The following KIAA1217 variants were observed in gnomAD, a reference collection of about 807,000 sequenced individuals.
KIAA1217 encodes the protein KIAA1217.
In KIAA1217, 88 loss-of-function variants were observed where a neutral mutation model predicts 163.9. The ratio of observed to expected loss-of-function variants is 0.54; its 90% CI spans 0.45 to 0.64. KIAA1217 has a LOEUF of 0.64. Ranked by LOEUF, KIAA1217 falls within the 30% of genes least tolerant of loss-of-function variation. The probability of loss-of-function intolerance (pLI) is 0.00; values close to 1 mark genes in which losing one functional copy is unlikely to be tolerated. For synonymous variants in KIAA1217, 903 were observed against 923.1 expected (o/e 0.98, Z 0.39); for missense variants, 2,372 against 2,475.0 (o/e 0.96, Z 0.88).
chr10:24,107,747 T>C (rs1026911121), intron 2 of KIAA1217, among the ~76,000 whole-genome samples: 1 of 152,162 alleles, frequency 6.6e-6, no homozygotes. Context: ...CTAAATCCAA[T>C]CTTCTAACAA....
At chr10:24,040,935 A>C (rs1848604043) in intron 2 of KIAA1217, among the ~76,000 whole-genome samples, 1 of 152,214 alleles carries the variant, frequency 6.6e-6, no homozygotes, top group Non-Finnish European at 1.5e-5. Flanking sequence ...TACTATACCG[A>C]CTTTAATAAC....
chr10:23,699,617 CT>C (rs1836288933), intron 1 of KIAA1217, among the ~76,000 whole-genome samples: 1 of 152,042 alleles, frequency 6.6e-6, no homozygotes, highest in Non-Finnish European at 1.5e-5. Flanking sequence ...CAATACTTCC[CT>C]TTCTTTTTCT....
Position 23,764,418 on chromosome 10 carries a change from C to T in KIAA1217, c.-321+69184C>T, listed in dbSNP as rs139675754. Among the ~76,000 whole-genome samples, 180 of 152,094 alleles carry T rather than the reference C, an allele frequency of 1.2e-3. 13 individuals carry two copies. In the East Asian group the frequency reaches 0.028, roughly 24 times the overall value. On this transcript the variant is annotated intron_variant, in intron 1 of 18. Coordinates refer to the KIAA1217 transcript ENST00000376462. ...TGGCAATTCCTCAAGGATTTAGAACCATTTGACCCAGCAATCCCATTACTG... is the reference window on the plus strand; with the variant it reads ...TGGCAATTCCTCAAGGATTTAGAACTATTTGACCCAGCAATCCCATTACTG...
At chr10:23,751,724 A>G (rs536699871) in intron 1 of KIAA1217, among the ~76,000 whole-genome samples, 35 of 152,322 alleles carry the variant, frequency 2.3e-4, no homozygotes, top group Admixed American at 6.5e-4. Flanking sequence ...AAATGTGAAT[A>G]AAAAGTTTTT....
intron 1 of KIAA1217, among the ~76,000 whole-genome samples, chr10:23,889,309 T>C (rs2131210480): frequency 6.6e-6 from 1 of 151,946 alleles, no homozygotes; most frequent in Middle Eastern, 3.4e-3. Flanking sequence ...TCATCCGTGG[T>C]TGGGATTGTC....
chr10:23,709,769 G>A (rs1588640103), intron 1 of KIAA1217, among the ~76,000 whole-genome samples: 1 of 151,944 alleles, frequency 6.6e-6, no homozygotes, highest in Non-Finnish European at 1.5e-5. Context: ...CATTTTTTCT[G>A]TTTAACTCGG....
chr10:24,386,139 A>G (rs1328205063), intron 3 of KIAA1217, among the ~76,000 whole-genome samples: 1 of 152,228 alleles, frequency 6.6e-6, no homozygotes, highest in Non-Finnish European at 1.5e-5. Flanking sequence ...GCTTTAGAAA[A>G]GAGACCTCAC....
chr10:23,757,458 G>A (rs1205055442), intron 1 of KIAA1217, among the ~76,000 whole-genome samples: 1 of 152,084 alleles, frequency 6.6e-6, no homozygotes, highest in Non-Finnish European at 1.5e-5. Context: ...GTGTCTCATT[G>A]TGGTTTTGAC....
intron 6 of KIAA1217, among the ~76,000 whole-genome samples, chr10:24,476,859 A>T (rs918278296): frequency 6.6e-6 from 1 of 151,372 alleles, no homozygotes; most frequent in African/African-American, 2.4e-5. Context: ...ACACAAAGAC[A>T]CAGACACACA....
At chr10:23,903,498 A>G (rs2131250643) in intron 1 of KIAA1217, among the ~76,000 whole-genome samples, 1 of 152,256 alleles carries the variant, frequency 6.6e-6, no homozygotes, top group Admixed American at 6.5e-5. Context: ...GATTTGATGA[A>G]GAGTGGACAG....
At chr10:24,148,338 T>TA (rs1244053459) in intron 2 of KIAA1217, among the ~76,000 whole-genome samples, 3 of 151,254 alleles carry the variant, frequency 2.0e-5, no homozygotes, top group South Asian at 2.1e-4. Context: ...TTTGTAAAGC[T>TA]AAAAAAAAAC....
intron 2 of KIAA1217, among the ~76,000 whole-genome samples, chr10:24,127,123 A>G (rs549049746): frequency 1.2e-4 from 18 of 152,308 alleles, no homozygotes; most frequent in African/African-American, 3.8e-4. Context: ...TTGACCTAAA[A>G]CAAATCATAT....
chr10:24,401,985 A>G (rs1218283676), intron 3 of KIAA1217, among the ~76,000 whole-genome samples: 2 of 152,238 alleles, frequency 1.3e-5, no homozygotes, highest in Non-Finnish European at 2.9e-5. Flanking sequence ...TTAGGTATAC[A>G]TAAAACAAAA....
intron 2 of KIAA1217, among the ~76,000 whole-genome samples, chr10:24,291,757 C>T (rs371960610): frequency 5.5e-4 from 84 of 151,684 alleles, no homozygotes; most frequent in African/African-American, 1.7e-3. Flanking sequence ...TTTACTACTC[C>T]GATGTGGAGA....
At chr10:23,816,068 A>G (rs1445239122) in intron 1 of KIAA1217, among the ~76,000 whole-genome samples, 3 of 152,142 alleles carry the variant, frequency 2.0e-5, no homozygotes, top group Non-Finnish European at 4.4e-5. Context: ...GCCATATTTA[A>G]AGTTAAGCTA....
chr10:23,851,425 GAGTTGGTTCCA>G (rs1350464529), intron 1 of KIAA1217, among the ~76,000 whole-genome samples: 1 of 152,152 alleles, frequency 6.6e-6, no homozygotes, highest in Admixed American at 6.5e-5. Context: ...TTGGACATTT[GAGTTGGTTCCA>G]AGTCTTTGCT....
intron 2 of KIAA1217, among the ~76,000 whole-genome samples, chr10:24,172,667 T>C (rs2065686381): frequency 6.6e-6 from 1 of 152,198 alleles, no homozygotes. Flanking sequence ...CCATCACTAG[T>C]ACCAACATTG....
intron 1 of KIAA1217, among the ~76,000 whole-genome samples, chr10:23,895,028 C>T (rs1589030674): frequency 6.6e-6 from 1 of 152,164 alleles, no homozygotes; most frequent in South Asian, 2.1e-4. Flanking sequence ...GACCTAAAAC[C>T]ATAAAAACCC....
intron 2 of KIAA1217, chr10:24,158,913 C>T (rs1193058871): frequency 3.1e-5 from 6 of 193,684 alleles, no homozygotes; most frequent in Non-Finnish European, 6.6e-5. Context: ...TAGGAAGAAG[C>T]CTTTTTCATT....
Sources: gnomAD v4.1 joint callset for allele counts (sites outside exome capture counted in the v4.1 genomes callset) on GRCh38, gnomAD v4.1.1 for gene constraint, MANE v1.5 for transcripts, NCBI Gene and HGNC (gene_info 2026-07-23, HGNC 2026-07-21) for gene names.